Variants in NBAS observed in about 807,000 individuals in gnomAD.
The protein encoded by NBAS is NBAS subunit of NRZ tethering complex, also known as NAG/BC035112 fusion.
Under a neutral mutation model 302.5 loss-of-function variants are expected in NBAS, and 219 were observed. That is an observed-to-expected ratio of 0.72 (90% CI 0.65 to 0.81). The LOEUF is 0.81. Ranked by LOEUF, NBAS falls within the 30% of genes least tolerant of loss-of-function variation. NBAS has a pLI of 0.00. For synonymous variants in NBAS, 1,118 were observed against 1,021.6 expected, an observed-to-expected ratio of 1.09 and a Z score of -1.80; for missense variants, 2,932 against 2,841.6, an observed-to-expected ratio of 1.03 and a Z score of -0.72.
At chr2:15,093,309 G>A in the NBAS span, among the ~76,000 whole-genome samples, 756 of 152,164 alleles carry the variant, frequency 5.0e-3, 6 homozygotes, top group African/African-American at 0.017. Context: ...TCAGCTACTC[G>A]GGAGACTGAG....
chr2:15,444,597 A>G (rs1678621776), intron 21 of NBAS, among the ~76,000 whole-genome samples: 3 of 152,202 alleles, frequency 2.0e-5, no homozygotes, highest in Non-Finnish European at 4.4e-5. Flanking sequence ...GGCATGGGCA[A>G]GGATTTCATG....
intron 47 of NBAS, among the ~76,000 whole-genome samples, chr2:15,223,313 G>A (rs1345969096): frequency 6.6e-6 from 1 of 151,976 alleles, no homozygotes; most frequent in Non-Finnish European, 1.5e-5. Flanking sequence ...GGCAAATCAA[G>A]GGGAAAAGCA....
chr2:15,187,618 T>C (rs909716273), intron 49 of NBAS, among the ~76,000 whole-genome samples: 1 of 152,224 alleles, frequency 6.6e-6, no homozygotes, highest in African/African-American at 2.4e-5. Context: ...CTGTGTTTCA[T>C]AGAAACATCA....
At chr2:15,272,142 T>G (rs1338507314) in intron 44 of NBAS, among the ~76,000 whole-genome samples, 1 of 152,190 alleles carries the variant, frequency 6.6e-6, no homozygotes, top group Non-Finnish European at 1.5e-5. Context: ...CTGGTATGTT[T>G]TACCAGTGGA....
intron 6 of NBAS, among the ~76,000 whole-genome samples, chr2:15,542,017 C>A (rs1309290851): frequency 1.2e-5 from 1 of 82,090 alleles, no homozygotes; most frequent in African/African-American, 4.4e-5. Context: ...GGGTTCAGCC[C>A]CCCGCCCGGC....
chr2:15,085,085 G>A, the NBAS span, among the ~76,000 whole-genome samples: 2 of 152,208 alleles, frequency 1.3e-5, no homozygotes, highest in Non-Finnish European at 2.9e-5. Context: ...CAAGTAGCCC[G>A]TCGGTGAGGA....
chr2:15,034,035 G>A, the NBAS span, among the ~76,000 whole-genome samples: 3,333 of 23,916 alleles, frequency 0.14, 208 homozygotes, highest in Middle Eastern at 0.22. Context: ...AAGAGGAGGA[G>A]GAAGGAGGAG....
chr2:14,881,532 C>T, the NBAS span, among the ~76,000 whole-genome samples: 1 of 152,172 alleles, frequency 6.6e-6, no homozygotes, highest in Non-Finnish European at 1.5e-5. Context: ...AAAAGAAAAA[C>T]TGTGAATCCA....
intron 11 of NBAS, among the ~76,000 whole-genome samples, chr2:15,503,346 T>C (rs916932916): frequency 1.3e-5 from 2 of 152,158 alleles, no homozygotes; most frequent in African/African-American, 2.4e-5. Context: ...CAACCATGAA[T>C]TGGAAATACA....
intron 21 of NBAS, among the ~76,000 whole-genome samples, chr2:15,456,137 G>T (rs1679239419): frequency 6.6e-6 from 1 of 152,136 alleles, no homozygotes; most frequent in Non-Finnish European, 1.5e-5. Flanking sequence ...TAATTTCAAA[G>T]CTTTACAAAA....
At chr2:14,909,669 C>T in the NBAS span, among the ~76,000 whole-genome samples, 1 of 152,168 alleles carries the variant, frequency 6.6e-6, no homozygotes, top group African/African-American at 2.4e-5. Flanking sequence ...GTAAATGATG[C>T]ACCAGGGCAG....
In NBAS at chr2:15,276,928, C is replaced by T. The variant is rs750497674; in HGVS notation, c.5312G>A (p.Cys1771Tyr). The T allele has an allele frequency of 6.2e-7, 1 of 1,614,076 alleles. No homozygotes were observed. The highest frequency in any genetic ancestry group is 1.7e-5 in the Admixed American group (1 of 60,010). ...AATGGCACAGTTCCCCAAATCTGCA[C>T]AGCCACAGTTTTCCAGAAGAGTGAA... ...YYFTLLENCG[C>Y]ADLGNCAIKP... The change falls in exon 43 of 52, where the codon TGT (cysteine) becomes TAT (tyrosine). Residue 1771 changes from cysteine to tyrosine, a missense_variant. Cys to Tyr is a radical substitution (Grantham distance 194, BLOSUM62 -2). Coordinates refer to ENST00000281513, the MANE Select transcript of NBAS (RefSeq NM_015909.4).
intron 43 of NBAS, 144 bp from the exon 44 acceptor site, chr2:15,275,962 AT>A: frequency 1.4e-6 from 1 of 737,794 alleles, no homozygotes; most frequent in Non-Finnish European, 2.2e-6. Context: ...TATATTTTCT[AT>A]TAGAAAGATC....
the NBAS span, among the ~76,000 whole-genome samples, chr2:14,795,488 T>C: frequency 5.3e-5 from 8 of 151,656 alleles, no homozygotes; most frequent in African/African-American, 2.0e-4. Context: ...TATATATATA[T>C]TCTGGATACA....
rs55691269 is a variant in NBAS, at chr2:15,450,695, A to G, written c.2339+10506T>C. 9.6e-3 allele frequency among the ~76,000 whole-genome samples: 1,462 copies of G among 152,308 alleles called. 31 individuals are homozygous for G. The highest frequency in any genetic ancestry group is 0.033 in the African/African-American group (1,390 of 41,572). ...CTAAACATTTCTGAAATAATATAAA[A>G]TTTATATGACTCACACATTTTTGCT... On this transcript the variant is annotated intron_variant, in intron 21 of 51. Coordinates refer to ENST00000281513, the MANE Select transcript of NBAS (RefSeq NM_015909.4).
intron 1 of NBAS, 101 bp downstream of exon 1, chr2:15,561,087 C>T: frequency 9.6e-7 from 1 of 1,042,570 alleles, no homozygotes; most frequent in Non-Finnish European, 1.5e-6. Context: ...CCTAGTCCCC[C>T]ACCCACCCGT....
intron 21 of NBAS, among the ~76,000 whole-genome samples, chr2:15,455,868 A>G (rs538444559): frequency 5.9e-5 from 9 of 152,000 alleles, no homozygotes; most frequent in African/African-American, 1.7e-4. Flanking sequence ...ATTTTTAAAT[A>G]GAAAAAGAGC....
intron 32 of NBAS, among the ~76,000 whole-genome samples, chr2:15,358,053 G>A (rs986155565): frequency 9.2e-5 from 14 of 152,166 alleles, no homozygotes; most frequent in African/African-American, 3.4e-4. Flanking sequence ...GGGAACAAAG[G>A]CTGGAAATGG....
At position 15,394,229 on chromosome 2, in the gene NBAS, C is replaced by A. The variant is rs779629723; in HGVS notation, c.3255G>T (p.Arg1085=). The A allele has an allele frequency of 6.2e-7, 1 of 1,602,792 alleles. No homozygotes were observed. Among genetic ancestry groups the A allele is most frequent in the Admixed American group, 1.7e-5 (1 of 58,918 alleles). Residue 1085 remains arginine (R), a splice_region_variant and synonymous_variant, in exon 28 of 52, where the codon CGG becomes CGT. Transcript: ENST00000281513. ...LMVRLTRHTG[R]KQPPVSESHW... ...TATCAATTAATTTTATTACTCACTT[C>A]CGGCCAGTGTGCCTCGTCAATCTAA...
Sources: allele counts gnomAD v4.1 joint callset (sites outside exome capture counted in the v4.1 genomes callset), GRCh38; gene constraint gnomAD v4.1.1; transcripts MANE v1.5; gene names NCBI Gene and HGNC (gene_info 2026-07-23, HGNC 2026-07-21).